The following AGK variants were observed in gnomAD, a reference collection of about 807,000 sequenced individuals.
AGK encodes the protein acylglycerol kinase, mitochondrial.
AGK carries 52 observed loss-of-function variants against 66.4 expected under a neutral mutation model. The ratio of observed to expected loss-of-function variants is 0.78; its 90% CI spans 0.63 to 0.99. The LOEUF is 0.99. Ranked by LOEUF, AGK falls within the 50% of genes least tolerant of loss-of-function variation. The pLI is 0.00. For synonymous variants in AGK, 182 were observed against 181.1 expected (o/e 1.00, Z -0.04); for missense variants, 451 against 506.6 (o/e 0.89, Z 1.05).
intron 1 of AGK, 23 bp downstream of exon 1, chr7:141,551,457 G>C (rs536473357): frequency 2.6e-5 from 4 of 153,176 alleles, no homozygotes; most frequent in East Asian, 1.9e-4. Context: ...GCGCCCAGGC[G>C]GGGAGCGCAG....
chr7:141,586,006 C>CT (rs1284482718), intron 2 of AGK, among the ~76,000 whole-genome samples: 161 of 148,570 alleles, frequency 1.1e-3, no homozygotes, highest in Admixed American at 3.3e-3. Flanking sequence ...ATAGAGTGTA[C>CT]TTTTTTTTTT....
chr7:141,626,668 A>G (rs975045342), intron 9 of AGK, among the ~76,000 whole-genome samples: 5 of 152,228 alleles, frequency 3.3e-5, no homozygotes, highest in Non-Finnish European at 7.3e-5. Flanking sequence ...CAAATTCTAA[A>G]AGCAAAAATT....
At chr7:141,558,126 C>T (rs1795254076) in intron 2 of AGK, among the ~76,000 whole-genome samples, 1 of 151,928 alleles carries the variant, frequency 6.6e-6, no homozygotes, top group African/African-American at 2.4e-5. Context: ...GCTTATTTCA[C>T]TTATAATGTC....
chr7:141,552,726 G>T (rs1795121510), intron 1 of AGK, among the ~76,000 whole-genome samples: 1 of 152,148 alleles, frequency 6.6e-6, no homozygotes, highest in Admixed American at 6.6e-5. Context: ...TAAAAGAATT[G>T]TTTGACCTTC....
chr7:141,554,630 C>CT (rs1795168985), intron 1 of AGK, among the ~76,000 whole-genome samples: 2 of 152,196 alleles, frequency 1.3e-5, no homozygotes, highest in Admixed American at 1.3e-4. Context: ...TATGTCCTTA[C>CT]TCTCATGGAG....
At chr7:141,641,213 T>C (rs745691238) in intron 11 of AGK, 35 bp from the exon 12 acceptor site, 2 of 1,593,122 alleles carry the variant, frequency 1.3e-6, no homozygotes, top group East Asian at 2.2e-5. Context: ...GAATTGTACA[T>C]GCATAACAAA....
intron 2 of AGK, among the ~76,000 whole-genome samples, chr7:141,573,505 C>T (rs1287124539): frequency 5.9e-5 from 9 of 152,100 alleles, no homozygotes; most frequent in Non-Finnish European, 1.2e-4. Flanking sequence ...TGGTTTTACA[C>T]GTTCCAAGCG....
rs1206692941 is a variant in AGK, at chr7:141,593,090, GT to G, written c.102-53del. 19 of 1,485,890 alleles carry G rather than the reference GT, an allele frequency of 1.3e-5. No homozygotes were observed. In the East Asian group the frequency reaches 4.1e-4, roughly 32 times the overall value. The allele number at this position is 1,485,890 out of a possible 1,614,324, so 92.0% of individuals were successfully genotyped here. On this transcript the variant is annotated intron_variant, in intron 2 of 15. Coordinates refer to ENST00000649286, the MANE Select transcript of AGK (RefSeq NM_018238.4). ...AAAAATTAAAAAGCTCACAAATTTT[GT>G]TTGGATCATAATCTATTAAAGCTAA...
At chr7:141,638,413 G>A (rs548301447) in intron 11 of AGK, among the ~76,000 whole-genome samples, 4 of 152,240 alleles carry the variant, frequency 2.6e-5, no homozygotes, top group Admixed American at 6.5e-5. Flanking sequence ...AGGTTATGGC[G>A]GGTTTTGATG....
chr7:141,606,151 T>C (rs376191095), intron 5 of AGK, among the ~76,000 whole-genome samples: 68 of 152,352 alleles, frequency 4.5e-4, no homozygotes, highest in African/African-American at 1.6e-3. Context: ...GTAGTTGGAT[T>C]GAGAATCATA....
chr7:141,583,303 A>G (rs897494278), intron 2 of AGK, among the ~76,000 whole-genome samples: 1 of 151,626 alleles, frequency 6.6e-6, no homozygotes, highest in East Asian at 1.9e-4. Flanking sequence ...AAAGTTGCCT[A>G]TAGTGAAGGA....
chr7:141,609,610 T>C (rs1234309869), intron 5 of AGK, among the ~76,000 whole-genome samples: 1 of 152,176 alleles, frequency 6.6e-6, no homozygotes, highest in Non-Finnish European at 1.5e-5. Flanking sequence ...TCACACTCCA[T>C]TGCTTAGGAA....
chr7:141,568,450 A>G (rs1795514056), intron 2 of AGK, among the ~76,000 whole-genome samples: 1 of 152,108 alleles, frequency 6.6e-6, no homozygotes, highest in Non-Finnish European at 1.5e-5. Context: ...GCAGTTAACA[A>G]TAGCTTGGCT....
In AGK at chr7:141,555,773, A is replaced by C. The variant is rs952002626; in HGVS notation, c.101+206A>C. Among the ~76,000 whole-genome samples the C allele has an allele frequency of 3.9e-5, 6 of 152,260 alleles. No individual in the cohort carries two copies. The highest frequency in any genetic ancestry group is 7.3e-5 in the Non-Finnish European group (5 of 68,044). ...TACTTATATCCAGTGGTTAGAGAAT[A>C]AAGTAGAGACATCAGAAAGGAAGCT... is the stretch of plus-strand genomic sequence containing the variant. On this transcript the variant is annotated intron_variant, in intron 2 of 15. Coordinates refer to ENST00000649286, the MANE Select transcript of AGK (RefSeq NM_018238.4). The surrounding 1 kb of genome is among the most constrained non-coding windows in gnomAD (Gnocchi z 4.2).
intron 3 of AGK, among the ~76,000 whole-genome samples, chr7:141,595,416 T>A (rs1336199294): frequency 6.6e-6 from 1 of 152,206 alleles, no homozygotes; most frequent in Non-Finnish European, 1.5e-5. Context: ...TCCAGAAACT[T>A]CTTACAAAGA....
intron 4 of AGK, among the ~76,000 whole-genome samples, chr7:141,597,881 ACT>A (rs1796259076): frequency 7.6e-6 from 1 of 131,382 alleles, no homozygotes; most frequent in East Asian, 2.1e-4. Flanking sequence ...ATAGAGTGAG[ACT>A]CTGTCTCAAA....
intron 1 of AGK, among the ~76,000 whole-genome samples, chr7:141,553,924 A>T (rs577113044): frequency 2.6e-4 from 39 of 152,330 alleles, no homozygotes; most frequent in African/African-American, 9.1e-4. Flanking sequence ...TCATAAAAAA[A>T]TTTTGCTTAA....
chr7:141,644,857 T>C (rs1797374235), intron 13 of AGK, among the ~76,000 whole-genome samples: 1 of 152,138 alleles, frequency 6.6e-6, no homozygotes, highest in Non-Finnish European at 1.5e-5. Flanking sequence ...TTTTCCCCCA[T>C]TGATCTTCAA....
Position 141,602,301 on chromosome 7 carries a change from C to T in AGK, c.297+1021C>T, listed in dbSNP as rs148700063. 1.4e-3 allele frequency among the ~76,000 whole-genome samples: 207 copies of T among 151,996 alleles called. 2 individuals carry two copies. Among genetic ancestry groups the T allele is most frequent in the African/African-American group, 4.8e-3 (199 of 41,452 alleles). ...CCCCCCACCTTGGCTTCCCAAAGTA[C>T]TGGGATTATAGGTGTAAGCTACCAT... On this transcript the variant is annotated intron_variant, in intron 5 of 15. Transcript: ENST00000649286.
Sources: allele counts gnomAD v4.1 joint callset (sites outside exome capture counted in the v4.1 genomes callset), GRCh38; gene constraint gnomAD v4.1.1; non-coding constraint Gnocchi (gnomAD v3.1); transcripts MANE v1.5; gene names NCBI Gene and HGNC (gene_info 2026-07-23, HGNC 2026-07-21).